RIC3: variants seen among roughly 807,000 people sequenced by gnomAD.
The protein encoded by RIC3 is RIC3 acetylcholine receptor chaperone, also known as protein RIC-3.
In RIC3, 28 loss-of-function variants were observed where a neutral mutation model predicts 27.3. The ratio of observed to expected loss-of-function variants is 1.02; its 90% CI spans 0.76 to 1.41. RIC3 has a LOEUF of 1.41. RIC3 is among the 40% of genes most tolerant of loss of function. RIC3 has a pLI of 0.00. For synonymous variants in RIC3, 184 were observed against 160.4 expected, an observed-to-expected ratio of 1.15 and a Z score of -1.11; for missense variants, 501 against 444.7, an observed-to-expected ratio of 1.13 and a Z score of -1.14.
chr11:8,147,375 C>T lies in RIC3; in HGVS notation c.125-7182G>A, dbSNP rs186882172. 7.0e-3 allele frequency among the ~76,000 whole-genome samples: 1,071 copies of T among 151,986 alleles called. 10 individuals are homozygous for T. The highest frequency in any genetic ancestry group is 9.1e-3 in the Non-Finnish European group (620 of 67,986). On this transcript the variant is annotated intron_variant, in intron 1 of 5. Coordinates refer to ENST00000309737, the MANE Select transcript of RIC3 (RefSeq NM_001206671.4). ...GTTCTAAATTAACTGAGATCTGTCT[C>T]AAATTTTGGGTGTTCACACTTATCA... is the stretch of plus-strand genomic sequence containing the variant.
chr11:8,163,302 A>T (rs1402509270), intron 1 of RIC3, among the ~76,000 whole-genome samples: 2 of 152,132 alleles, frequency 1.3e-5, no homozygotes, highest in Non-Finnish European at 2.9e-5. Flanking sequence ...CCTCAACCTG[A>T]AAACAGGCAT....
At chr11:8,148,786 A>C (rs575899219) in intron 1 of RIC3, among the ~76,000 whole-genome samples, 2 of 152,150 alleles carry the variant, frequency 1.3e-5, no homozygotes, top group African/African-American at 2.4e-5. Flanking sequence ...AAACAAAGAC[A>C]TAAATAACAG....
intron 5 of RIC3, among the ~76,000 whole-genome samples, chr11:8,115,742 T>A (rs750977158): frequency 5.0e-4 from 76 of 152,284 alleles, no homozygotes; most frequent in Non-Finnish European, 9.7e-4. Flanking sequence ...TGAAAGAAAT[T>A]GAAGAAGACA....
At chr11:8,136,889 C>T (rs1342343320) in intron 4 of RIC3, among the ~76,000 whole-genome samples, 1 of 152,016 alleles carries the variant, frequency 6.6e-6, no homozygotes, top group East Asian at 1.9e-4. Context: ...ACTGAGGTTG[C>T]TTGACAGTAT....
rs1014589124 is a variant in RIC3 at position 8,107,251 on chromosome 11, G to A, written c.*3447C>T. The A allele has an allele frequency of 1.3e-5, 2 of 152,202 alleles. No homozygotes were observed. Among genetic ancestry groups the A allele is most frequent in the African/African-American group, 4.8e-5 (2 of 41,446 alleles). The allele number at this position is 152,202 out of a possible 1,614,324, so 9.4% of individuals were successfully genotyped here. On this transcript the variant is annotated 3_prime_UTR_variant, in exon 6 of 6. Coordinates refer to ENST00000309737, the MANE Select transcript of RIC3 (RefSeq NM_001206671.4). ...TGGAATACAAATAGTCCAGATTGAAGAGAACTTTGAGAGTGTGGTAATAAT... is the reference window on the plus strand; with the variant it reads ...TGGAATACAAATAGTCCAGATTGAAAAGAACTTTGAGAGTGTGGTAATAAT...
intron 1 of RIC3, among the ~76,000 whole-genome samples, chr11:8,143,475 T>C (rs1054646375): frequency 1.3e-5 from 2 of 151,014 alleles, no homozygotes; most frequent in African/African-American, 2.4e-5. Context: ...TTACAAGGGA[T>C]GTGAAGGACC....
the RIC3 span, among the ~76,000 whole-genome samples, chr11:8,098,293 G>A: frequency 6.6e-6 from 1 of 152,148 alleles, no homozygotes; most frequent in African/African-American, 2.4e-5. Context: ...CTGAGGAACT[G>A]AGTACCAGAT....
chr11:8,112,027 C>G (rs923399301), intron 5 of RIC3, among the ~76,000 whole-genome samples: 1 of 152,204 alleles, frequency 6.6e-6, no homozygotes, highest in Non-Finnish European at 1.5e-5. Flanking sequence ...TCAACCCTAA[C>G]GTAAACCATT....
chr11:8,123,935 A>G (rs371479730), intron 5 of RIC3, among the ~76,000 whole-genome samples: 150 of 150,800 alleles, frequency 9.9e-4, no homozygotes, highest in African/African-American at 3.1e-3. Flanking sequence ...TTAGCCAGGC[A>G]TGGTAGTGCA....
intron 1 of RIC3, among the ~76,000 whole-genome samples, chr11:8,166,798 G>A (rs1951734497): frequency 6.6e-6 from 1 of 152,000 alleles, no homozygotes; most frequent in African/African-American, 2.4e-5. Context: ...GGGAGGATCA[G>A]TTGAGCCCTA....
intron 5 of RIC3, among the ~76,000 whole-genome samples, chr11:8,125,293 T>TA (rs1309583389): frequency 6.6e-6 from 1 of 151,442 alleles, no homozygotes; most frequent in Non-Finnish European, 1.5e-5. Flanking sequence ...AAAAAATGGT[T>TA]AAGTTGGACT....
At chr11:8,096,913 G>C in the RIC3 span, 1 of 1,346,440 alleles carries the variant, frequency 7.4e-7, no homozygotes, top group African/African-American at 1.4e-5. Flanking sequence ...GAGCTTCTCT[G>C]CTGGCCTCTT....
intron 3 of RIC3, among the ~76,000 whole-genome samples, 179 bp from the exon 4 acceptor site, chr11:8,137,650 A>T (rs1948580844): frequency 6.6e-6 from 1 of 152,258 alleles, no homozygotes; most frequent in East Asian, 1.9e-4. Context: ...AAGGATGCAA[A>T]GTGTGACTGG....
chr11:8,163,320 A>C (rs1192841652), intron 1 of RIC3, among the ~76,000 whole-genome samples: 3 of 152,166 alleles, frequency 2.0e-5, no homozygotes, highest in African/African-American at 4.8e-5. Flanking sequence ...CATCTACGAA[A>C]TGCCCCCAGA....
chr11:8,133,054 T>G (rs1947926100), intron 4 of RIC3, among the ~76,000 whole-genome samples: 2 of 152,152 alleles, frequency 1.3e-5, no homozygotes. Flanking sequence ...ATGAAGTGAT[T>G]AGGACATGAG....
At chr11:8,147,038 C>A (rs1055521173) in intron 1 of RIC3, among the ~76,000 whole-genome samples, 1 of 152,182 alleles carries the variant, frequency 6.6e-6, no homozygotes, top group Non-Finnish European at 1.5e-5. Context: ...TCTTCCTGCT[C>A]ACTGAGACAG....
the RIC3 span, chr11:8,095,692 C>A: frequency 1.7e-5 from 26 of 1,562,464 alleles, no homozygotes; most frequent in Non-Finnish European, 1.9e-5. Flanking sequence ...CCCAGTGATA[C>A]CCCCAAAACT....
chr11:8,152,675 C>T (rs1454032673), intron 1 of RIC3, among the ~76,000 whole-genome samples: 1 of 152,042 alleles, frequency 6.6e-6, no homozygotes, highest in Non-Finnish European at 1.5e-5. Flanking sequence ...AGTTGCACAA[C>T]TCTACGAATA....
chr11:8,150,215 G>C (rs533149019), intron 1 of RIC3, among the ~76,000 whole-genome samples: 1 of 152,314 alleles, frequency 6.6e-6, no homozygotes, highest in African/African-American at 2.4e-5. Flanking sequence ...TTCCCAGCCT[G>C]TCAGAATGGC....
Sources: allele counts gnomAD v4.1 joint callset (sites outside exome capture counted in the v4.1 genomes callset), GRCh38; gene constraint gnomAD v4.1.1; transcripts MANE v1.5; gene names NCBI Gene and HGNC (gene_info 2026-07-23, HGNC 2026-07-21).